The following ARL15 variants were observed in gnomAD, a reference collection of about 807,000 sequenced individuals.
The protein encoded by ARL15 is ADP-ribosylation factor-like protein 15.
A neutral mutation model predicts 25.2 loss-of-function variants in ARL15; 19 were observed. That is an observed-to-expected ratio of 0.75 (90% CI 0.53 to 1.10). The LOEUF (loss-of-function observed/expected upper bound fraction) is 1.10. Among genes scored for constraint, ARL15 ranks in the 50% least tolerant of loss-of-function variants. The probability of loss-of-function intolerance (pLI) is 0.00; values close to 1 mark genes in which losing one functional copy is unlikely to be tolerated. For missense variants in ARL15, 220 were observed against 246.0 expected (o/e 0.89, Z 0.71); for synonymous variants, 94 against 86.8 (o/e 1.08, Z -0.46).
chr5:54,018,493 A>T (rs1749494351), intron 4 of ARL15, among the ~76,000 whole-genome samples: 1 of 152,242 alleles, frequency 6.6e-6, no homozygotes, highest in African/African-American at 2.4e-5. Context: ...GTTAAGAAAA[A>T]GGCACCGTCA....
At chr5:54,008,944 T>C (rs1341351393) in intron 4 of ARL15, among the ~76,000 whole-genome samples, 1 of 152,228 alleles carries the variant, frequency 6.6e-6, no homozygotes, top group Non-Finnish European at 1.5e-5. Context: ...TATTTTAATG[T>C]AAGATTACAG....
At chr5:54,194,155 A>G (rs987343045) in intron 1 of ARL15, among the ~76,000 whole-genome samples, 3 of 152,072 alleles carry the variant, frequency 2.0e-5, no homozygotes, top group Non-Finnish European at 2.9e-5. Flanking sequence ...CCCCTTCATA[A>G]TTTAGCTCTA....
intron 1 of ARL15, among the ~76,000 whole-genome samples, chr5:54,252,727 T>G (rs1419982237): frequency 6.6e-6 from 1 of 152,130 alleles, no homozygotes; most frequent in East Asian, 1.9e-4. Flanking sequence ...CAAGTTTGTT[T>G]TGTTTTGTAT....
At chr5:54,088,264 G>T (rs1230357365) in intron 4 of ARL15, among the ~76,000 whole-genome samples, 3 of 152,196 alleles carry the variant, frequency 2.0e-5, no homozygotes, top group African/African-American at 7.2e-5. Context: ...TAAGATAAAG[G>T]AATGTGAAGT....
chr5:54,127,778 G>C (rs1169954822), intron 3 of ARL15, among the ~76,000 whole-genome samples: 1 of 148,678 alleles, frequency 6.7e-6, no homozygotes, highest in African/African-American at 2.5e-5. Context: ...ATACTACAAG[G>C]CTACAGTAAC....
At chr5:54,184,456 AAAAAAAAAAAAAAAG>A (rs1755172837) in intron 1 of ARL15, among the ~76,000 whole-genome samples, 1 of 112,618 alleles carries the variant, frequency 8.9e-6, no homozygotes, top group African/African-American at 3.5e-5. Context: ...AAAAAAAAAA[AAAAAAAAAAAAAAAG>A]AGAGAGAGAG....
chr5:53,951,557 T>A (rs2112117839), intron 4 of ARL15: 1 of 473,788 alleles, frequency 2.1e-6, no homozygotes. Context: ...ACAAATTTTC[T>A]AAAAGCACTG....
At chr5:54,060,365 G>A (rs964828573) in intron 4 of ARL15, among the ~76,000 whole-genome samples, 1 of 152,174 alleles carries the variant, frequency 6.6e-6, no homozygotes, top group Non-Finnish European at 1.5e-5. Flanking sequence ...GACCCAGGAG[G>A]TGGAGGTTGC....
chr5:54,078,636 C>T (rs1022042956), intron 4 of ARL15, among the ~76,000 whole-genome samples: 4 of 152,174 alleles, frequency 2.6e-5, no homozygotes, highest in African/African-American at 9.7e-5. Context: ...TTTCTGACCT[C>T]CCTAACATTA....
intron 2 of ARL15, among the ~76,000 whole-genome samples, chr5:54,156,764 T>C (rs1288663859): frequency 6.6e-6 from 1 of 152,120 alleles, no homozygotes; most frequent in Admixed American, 6.5e-5. Context: ...AGCACAGCAT[T>C]ATGGTTAATG....
At chr5:54,012,064 A>G (rs1188820176) in intron 4 of ARL15, among the ~76,000 whole-genome samples, 5 of 152,212 alleles carry the variant, frequency 3.3e-5, no homozygotes, top group African/African-American at 1.2e-4. Context: ...AATTTAAGGT[A>G]GCATTTCTAG....
intron 1 of ARL15, among the ~76,000 whole-genome samples, chr5:54,277,012 A>G (rs1470197398): frequency 6.6e-6 from 1 of 152,212 alleles, no homozygotes; most frequent in Non-Finnish European, 1.5e-5. Flanking sequence ...TTAAGCCACA[A>G]AGTTTGTGAT....
At chr5:53,992,292 T>G (rs1277318846) in intron 4 of ARL15, among the ~76,000 whole-genome samples, 1 of 147,360 alleles carries the variant, frequency 6.8e-6, no homozygotes, top group Non-Finnish European at 1.5e-5. Context: ...GTATACAGTT[T>G]GGGAACTACA....
chr5:54,105,255 G>C (rs1209730613), intron 4 of ARL15, among the ~76,000 whole-genome samples: 1 of 151,856 alleles, frequency 6.6e-6, no homozygotes, highest in East Asian at 1.9e-4. Flanking sequence ...ACAAGGAAAG[G>C]GTACCTTAAA....
At chr5:54,181,275 A>C (rs1243137595) in intron 1 of ARL15, among the ~76,000 whole-genome samples, 1 of 152,216 alleles carries the variant, frequency 6.6e-6, no homozygotes, top group Non-Finnish European at 1.5e-5. Context: ...GGAAAAAATC[A>C]ATTTTTATAA....
At chr5:53,947,165 A>AGG (rs200009725) in intron 4 of ARL15, among the ~76,000 whole-genome samples, 7,293 of 112,774 alleles carry the variant, frequency 0.065, 319 homozygotes, top group Middle Eastern at 0.095. Context: ...AAAATAAATA[A>AGG]GGGTGTGTGT....
chr5:53,915,550 T>C (rs62372391), intron 4 of ARL15, among the ~76,000 whole-genome samples: 14,207 of 152,258 alleles, frequency 0.093, 845 homozygotes, highest in Non-Finnish European at 0.14. Context: ...AAGTCTAGCA[T>C]TGAACAGTTT....
At chr5:53,941,919 A>G (rs1746551424) in intron 4 of ARL15, among the ~76,000 whole-genome samples, 2 of 151,968 alleles carry the variant, frequency 1.3e-5, no homozygotes, top group Non-Finnish European at 2.9e-5. Flanking sequence ...AGAGCTATTT[A>G]TTTTCATGAT....
intron 4 of ARL15, among the ~76,000 whole-genome samples, chr5:53,963,095 T>A (rs1747424760): frequency 1.3e-5 from 2 of 152,128 alleles, no homozygotes; most frequent in Non-Finnish European, 1.5e-5. Flanking sequence ...AAAGAATGTC[T>A]CCTAGGATAT....
Sources: gnomAD v4.1 joint callset for allele counts (sites outside exome capture counted in the v4.1 genomes callset) on GRCh38, gnomAD v4.1.1 for gene constraint, MANE v1.5 for transcripts, NCBI Gene and HGNC (gene_info 2026-07-23, HGNC 2026-07-21) for gene names.